The following MPP7 variants were observed in gnomAD, a reference collection of about 807,000 sequenced individuals.
MPP7 encodes MAGUK p55 scaffold protein 7, also known as MAGUK p55 subfamily member 7.
In MPP7, 60 loss-of-function variants were observed where a neutral mutation model predicts 76.5. The ratio of observed to expected loss-of-function variants is 0.78; its 90% confidence interval spans 0.64 to 0.97. The LOEUF (loss-of-function observed/expected upper bound fraction) is 0.97. Among genes scored for constraint, MPP7 ranks in the 50% least tolerant of loss-of-function variants. The pLI, the probability that MPP7 is intolerant of heterozygous loss-of-function variation, is 0.00. For synonymous variants in MPP7, 237 were observed against 244.5 expected (o/e 0.97, Z 0.29); for missense variants, 641 against 694.0 (o/e 0.92, Z 0.86).
intron 2 of MPP7, among the ~76,000 whole-genome samples, chr10:28,323,958 C>G (rs916073664): frequency 2.0e-5 from 3 of 152,062 alleles, no homozygotes; most frequent in African/African-American, 4.8e-5. Context: ...ATGAATAAAA[C>G]AGAAAAAATA....
At chr10:28,298,908 C>T (rs1841090549) in intron 1 of MPP7, among the ~76,000 whole-genome samples, 1 of 152,198 alleles carries the variant, frequency 6.6e-6, no homozygotes, top group Non-Finnish European at 1.5e-5. Context: ...ACCTCATGAA[C>T]CAACCTCTTC....
rs763937618 is a variant in MPP7 at position 28,058,474 on chromosome 10, AATAGCTC to A, written c.1407+14_1407+20del. 1.4e-6 allele frequency: 2 copies of A among 1,419,302 alleles called. No individual in the cohort carries two copies. Among genetic ancestry groups the A allele is most frequent in the Non-Finnish European group, 2.0e-6 (2 of 1,015,950 alleles). 87.9% of individuals were successfully genotyped at this position (1,419,302 alleles called of 1,614,324 possible). A position where few individuals can be genotyped will look rare whatever the true frequency, so the allele number is the denominator to read the frequency against. On this transcript the variant is annotated intron_variant, in intron 15 of 16. Transcript: ENST00000683449. The stretch of plus-strand genomic sequence containing the variant: ...GATGACATGGGTCAGAAGGGTATTG[AATAGCTC>A]ATTGTTTACTTACATGAGGCTGAAC...
At chr10:28,333,474 T>C (rs532634673) in intron 1 of MPP7, among the ~76,000 whole-genome samples, 54 of 152,320 alleles carry the variant, frequency 3.5e-4, no homozygotes, top group African/African-American at 1.3e-3. Flanking sequence ...TCTGCAATTA[T>C]ACTATCCTGT....
intron 1 of MPP7, among the ~76,000 whole-genome samples, chr10:28,241,784 G>A (rs1398373710): frequency 1.3e-5 from 2 of 152,074 alleles, no homozygotes; most frequent in Non-Finnish European, 2.9e-5. Flanking sequence ...CCAATAGAAC[G>A]ATTACAACCC....
intron 1 of MPP7, among the ~76,000 whole-genome samples, chr10:28,262,277 A>ATTTTTTTTT (rs1195166638): frequency 1.8e-5 from 1 of 54,352 alleles, no homozygotes; most frequent in African/African-American, 8.3e-5. Flanking sequence ...ATATATATAT[A>ATTTTTTTTT]TTTTTTTTTT....
At chr10:28,297,087 C>A (rs1841052749) in intron 1 of MPP7, among the ~76,000 whole-genome samples, 1 of 152,134 alleles carries the variant, frequency 6.6e-6, no homozygotes, top group African/African-American at 2.4e-5. Context: ...CGTAGGCATA[C>A]CTTGAAGATA....
At chr10:28,251,826 G>A (rs1044105724) in intron 1 of MPP7, among the ~76,000 whole-genome samples, 1 of 152,128 alleles carries the variant, frequency 6.6e-6, no homozygotes, top group Non-Finnish European at 1.5e-5. Context: ...GGAGGCTGAG[G>A]TGGGAGGATT....
intron 4 of MPP7, among the ~76,000 whole-genome samples, chr10:28,148,937 T>A (rs762245728): frequency 1.5e-4 from 23 of 152,216 alleles, no homozygotes; most frequent in Admixed American, 2.6e-4. Context: ...CAACTTTATT[T>A]GCCTTCATTT....
intron 5 of MPP7, among the ~76,000 whole-genome samples, chr10:28,134,911 G>A (rs1835307578): frequency 6.6e-6 from 1 of 152,032 alleles, no homozygotes; most frequent in Non-Finnish European, 1.5e-5. Flanking sequence ...ATAATAGCCA[G>A]TCCAGAATTG....
intron 8 of MPP7, among the ~76,000 whole-genome samples, chr10:28,121,196 C>T (rs1026374312): frequency 6.6e-6 from 1 of 151,276 alleles, no homozygotes; most frequent in Admixed American, 6.6e-5. Context: ...CCTCTTGAGC[C>T]CAGGAGTTCA....
chr10:28,321,647 C>T (rs1182108202), intron 2 of MPP7, among the ~76,000 whole-genome samples: 1 of 152,018 alleles, frequency 6.6e-6, no homozygotes. Flanking sequence ...TGCAGTGGTG[C>T]GATCTCAGCT....
At chr10:28,109,385 A>T (rs376660041) in intron 11 of MPP7, among the ~76,000 whole-genome samples, 1 of 152,220 alleles carries the variant, frequency 6.6e-6, no homozygotes, top group Non-Finnish European at 1.5e-5. Flanking sequence ...AGGTAATTAG[A>T]AAAGTCCAGA....
At chr10:28,143,584 TG>T (rs1835600057) in intron 5 of MPP7, among the ~76,000 whole-genome samples, 1 of 151,730 alleles carries the variant, frequency 6.6e-6, no homozygotes, top group South Asian at 2.1e-4. Context: ...TTCCTATCTT[TG>T]TGGATCAAAT....
intron 2 of MPP7, among the ~76,000 whole-genome samples, chr10:28,324,046 G>A (rs1383588446): frequency 6.6e-6 from 1 of 152,138 alleles, no homozygotes; most frequent in African/African-American, 2.4e-5. Flanking sequence ...GGACTAAAAT[G>A]AGATAATAAC....
intron 2 of MPP7, among the ~76,000 whole-genome samples, chr10:28,226,300 G>A (rs1297601945): frequency 6.6e-6 from 1 of 151,896 alleles, no homozygotes; most frequent in East Asian, 1.9e-4. Context: ...AGGCTGGAGT[G>A]CAGTGGTATA....
intron 5 of MPP7, among the ~76,000 whole-genome samples, chr10:28,145,645 C>T (rs1835679158): frequency 6.6e-6 from 1 of 152,012 alleles, no homozygotes; most frequent in Admixed American, 6.5e-5. Flanking sequence ...TACTTTATTC[C>T]CAAGACTAGC....
At chr10:28,194,049 C>CT (rs1391933450) in intron 3 of MPP7, among the ~76,000 whole-genome samples, 1 of 152,176 alleles carries the variant, frequency 6.6e-6, no homozygotes, top group East Asian at 1.9e-4. Context: ...GAGTCTCACT[C>CT]TGTCACCCAG....
chr10:28,144,506 C>T (rs1374452994), intron 5 of MPP7, among the ~76,000 whole-genome samples: 2 of 152,124 alleles, frequency 1.3e-5, no homozygotes, highest in African/African-American at 4.8e-5. Context: ...CTTCTTCCTT[C>T]GCAAGCCACT....
At chr10:28,069,474 C>T (rs375800287) in intron 13 of MPP7, among the ~76,000 whole-genome samples, 10 of 151,968 alleles carry the variant, frequency 6.6e-5, no homozygotes, top group East Asian at 3.9e-4. Context: ...TGTGGTGGCA[C>T]GTGCCTGTAC....
Sources: allele counts gnomAD v4.1 joint callset (sites outside exome capture counted in the v4.1 genomes callset), GRCh38; gene constraint gnomAD v4.1.1; transcripts MANE v1.5; gene names NCBI Gene and HGNC (gene_info 2026-07-23, HGNC 2026-07-21).